The following PDXDC1 variants were observed in gnomAD, a reference collection of about 807,000 sequenced individuals.
PDXDC1 encodes the protein pyridoxal-dependent decarboxylase domain-containing protein 1.
In PDXDC1, 42 loss-of-function variants were observed where a neutral mutation model predicts 100.1. That is an observed-to-expected ratio of 0.42 (90% CI 0.33 to 0.54). The LOEUF (loss-of-function observed/expected upper bound fraction) is 0.54. Among genes scored for constraint, PDXDC1 ranks in the 20% least tolerant of loss-of-function variants. PDXDC1 has a pLI of 0.10. For missense variants in PDXDC1, 636 were observed against 979.2 expected (o/e 0.65, Z 4.68); for synonymous variants, 260 against 371.7 (o/e 0.70, Z 3.46).
At chr16:15,078,592 C>T (rs556576979) in intron 16 of PDXDC1, among the ~76,000 whole-genome samples, 24 of 152,290 alleles carry the variant, frequency 1.6e-4, no homozygotes, top group African/African-American at 3.6e-4. Context: ...CTCCTCCTTC[C>T]GGCGGATCCT....
intron 11 of PDXDC1, among the ~76,000 whole-genome samples, chr16:15,017,658 T>C (rs1179663393): frequency 1.3e-5 from 2 of 152,288 alleles, no homozygotes; most frequent in African/African-American, 2.4e-5. Flanking sequence ...TTTCAGAGTT[T>C]TGTTACTGAA....
intron 16 of PDXDC1, chr16:15,130,401 A>C (rs4012900): frequency 5.6e-5 from 89 of 1,576,542 alleles, no homozygotes; most frequent in East Asian, 2.1e-4. Flanking sequence ...CAGCGCCGAC[A>C]GGCGGAAGTG....
At chr16:15,041,083 C>A, downstream of PDXDC1, 2 of 1,601,208 alleles carry the variant, frequency 1.2e-6, no homozygotes, top group Non-Finnish European at 1.7e-6. Context: ...CCATATATTA[C>A]TGGAAAGTGG....
intron 16 of PDXDC1, among the ~76,000 whole-genome samples, chr16:15,055,387 G>A (rs577608713): frequency 6.6e-6 from 1 of 152,234 alleles, no homozygotes; most frequent in African/African-American, 2.4e-5. Context: ...CCGGGGGTAG[G>A]GGAGAGAGAG....
intron 16 of PDXDC1, among the ~76,000 whole-genome samples, chr16:15,059,531 C>T (rs1156462515): frequency 6.6e-6 from 1 of 152,148 alleles, no homozygotes. Flanking sequence ...ACTTGCTCAA[C>T]GTCAAACAGC....
At chr16:14,981,259 A>G (rs1447963018) in intron 1 of PDXDC1, among the ~76,000 whole-genome samples, 1 of 152,292 alleles carries the variant, frequency 6.6e-6, no homozygotes, top group Non-Finnish European at 1.5e-5. Flanking sequence ...AGAAACAGGA[A>G]AAGCATTTCA....
At chr16:15,038,913 G>A (rs899720092), downstream of PDXDC1, among the ~76,000 whole-genome samples, 1 of 152,204 alleles carries the variant, frequency 6.6e-6, no homozygotes. Context: ...CAGTCCCACA[G>A]GACGAGGGTG....
chr16:15,068,645 C>T (rs1051926770), intron 16 of PDXDC1, among the ~76,000 whole-genome samples: 5 of 152,194 alleles, frequency 3.3e-5, no homozygotes, highest in Non-Finnish European at 7.3e-5. Context: ...GGCAACAAAA[C>T]AAAACAGCAA....
At chr16:15,014,137 G>A (rs2041589766) in intron 8 of PDXDC1, among the ~76,000 whole-genome samples, 1 of 151,964 alleles carries the variant, frequency 6.6e-6, no homozygotes, top group Non-Finnish European at 1.5e-5. Context: ...AACCCAGGAG[G>A]CTGAGATTGC....
rs750519325 is a variant in PDXDC1 at position 15,004,213 on chromosome 16, A to T, written c.269A>T (p.His90Leu). ...PRIQNIGEQG[H>L]MALLGHSLGA... is the part of the protein sequence containing the mutation. ...ATCCAAAATATTGGAGAACAAGGTC[A>T]TATGGCTTTGTTGGGACATAGTCTG... The change falls in exon 5 of 23, where the codon CAT becomes CTT. Residue 90 changes from histidine to leucine, a missense_variant. By Grantham distance (99) the His-to-Leu change is moderately conservative. This residue lies in a region of PDXDC1 where 125 missense variants were observed against 479.9 expected (regional missense o/e 0.26). Coordinates refer to ENST00000396410, the MANE Select transcript of PDXDC1 (RefSeq NM_015027.4). The T allele has an allele frequency of 2.5e-6, 4 of 1,613,964 alleles. No homozygotes were observed. The highest frequency in any genetic ancestry group is 3.4e-6 in the Non-Finnish European group (4 of 1,179,956).
At chr16:15,016,976 C>T (rs2041840407) in intron 9 of PDXDC1, 144 bp from the exon 10 acceptor site, 1 of 1,047,504 alleles carries the variant, frequency 9.5e-7, no homozygotes. Flanking sequence ...TAAAGCACAC[C>T]TTCTGTTGCT....
In PDXDC1 at chr16:15,111,473, A is replaced by AAC. The variant is rs1555471052; in HGVS notation, c.1400-27405_1400-27404insCA. Reference sequence around the variant, plus strand: ...CTCTGTCTCAAAAAAAAAAAAAAAAAAATAGGCCAGGTGTGGTAGCTCACG... The same window carrying AAC: ...CTCTGTCTCAAAAAAAAAAAAAAAAAACAATAGGCCAGGTGTGGTAGCTCACG... On this transcript the variant is annotated intron_variant, in intron 16 of 16. Transcript: ENST00000535621. Among the ~76,000 whole-genome samples the AAC allele has an allele frequency of 1.6e-4, 23 of 146,306 alleles. 1 individual carries two copies. The highest frequency in any genetic ancestry group is 2.9e-4 in the Non-Finnish European group (19 of 65,726).
At chr16:15,095,404 A>T (rs945600567) in intron 16 of PDXDC1, among the ~76,000 whole-genome samples, 2 of 152,078 alleles carry the variant, frequency 1.3e-5, no homozygotes, top group Admixed American at 6.5e-5. Flanking sequence ...AAATAAAAAT[A>T]ATAAAAATTA....
At chr16:15,032,654 A>T (rs977051344) in intron 17 of PDXDC1, 16 of 157,342 alleles carry the variant, frequency 1.0e-4, no homozygotes, top group South Asian at 3.6e-4. Context: ...ACCCTGCTTT[A>T]AAAAAAAAAA....
intron 14 of PDXDC1, among the ~76,000 whole-genome samples, chr16:15,027,313 G>T (rs1283620542): frequency 6.6e-6 from 1 of 152,396 alleles, no homozygotes; most frequent in Admixed American, 6.5e-5. Flanking sequence ...GCATACAGAC[G>T]GGCAGGCTGT....
Position 15,133,412 on chromosome 16 carries a change from A to T in PDXDC1, c.1400-5467A>T, listed in dbSNP as rs1598264602. 6.6e-6 allele frequency: 7 copies of T among 1,063,360 alleles called. No homozygotes were observed. The East Asian group carries it at 1.7e-4, about 27-fold the overall frequency. The allele number at this position is 1,063,360 out of a possible 1,614,324, so 65.9% of individuals were successfully genotyped here. ...GCTGCCGTTGGGCTCTGGGAGGGTG[A>T]TGGCCAGAGACCTACGAGCAGAGGG... On this transcript the variant is annotated intron_variant, in intron 16 of 16. Transcript: ENST00000535621.
intron 16 of PDXDC1, among the ~76,000 whole-genome samples, chr16:15,111,231 C>A (rs1433579582): frequency 6.9e-6 from 1 of 145,628 alleles, no homozygotes; most frequent in African/African-American, 2.5e-5. Flanking sequence ...CCGAGGCAGG[C>A]GGATCACCTG....
intron 16 of PDXDC1, chr16:15,061,554 G>C: frequency 2.1e-6 from 1 of 482,516 alleles, no homozygotes; most frequent in Non-Finnish European, 3.7e-6. Context: ...TTGTCTGTAA[G>C]GGGAACAACA....
intron 16 of PDXDC1, among the ~76,000 whole-genome samples, chr16:15,065,739 T>C (rs1439598701): frequency 6.6e-6 from 1 of 152,182 alleles, no homozygotes; most frequent in African/African-American, 2.4e-5. Flanking sequence ...TCTTTATTTT[T>C]ACTGTTTGCA....
Sources: gnomAD v4.1 joint callset for allele counts (sites outside exome capture counted in the v4.1 genomes callset) on GRCh38, gnomAD v4.1.1 for gene constraint, gnomAD v4.1.1 regional missense constraint, MANE v1.5 for transcripts, NCBI Gene and HGNC (gene_info 2026-07-23, HGNC 2026-07-21) for gene names.